ERGIC1: variants seen among roughly 807,000 people sequenced by gnomAD.
The protein encoded by ERGIC1 is endoplasmic reticulum-Golgi intermediate compartment protein 1.
In ERGIC1, 19 loss-of-function variants were observed where a neutral mutation model predicts 38.3. The ratio of observed to expected loss-of-function variants is 0.50; its 90% CI spans 0.35 to 0.73. The LOEUF is 0.73. Ranked by LOEUF, ERGIC1 falls within the 30% of genes least tolerant of loss-of-function variation. The pLI is 0.01. For synonymous variants in ERGIC1, 124 were observed against 157.6 expected (o/e 0.79, Z 1.60); for missense variants, 294 against 389.2 (o/e 0.76, Z 2.06).
chr5:172,878,382 C>T (rs1762198143), intron 1 of ERGIC1, among the ~76,000 whole-genome samples: 1 of 152,144 alleles, frequency 6.6e-6, no homozygotes. Context: ...AAGAATTGTT[C>T]TACTGCCAGA....
intron 2 of ERGIC1, 127 bp downstream of exon 2, chr5:172,888,887 C>G: frequency 1.1e-6 from 1 of 891,794 alleles, no homozygotes; most frequent in Non-Finnish European, 1.9e-6. Flanking sequence ...AAATGCTGAG[C>G]ATCTTGCGGG....
At chr5:172,915,357 T>G in intron 5 of ERGIC1, 1 of 457,290 alleles carries the variant, frequency 2.2e-6, no homozygotes, top group East Asian at 4.6e-5. Context: ...CTGGTGGGGC[T>G]CCCATTCTGG....
chr5:172,860,789 T>A (rs544839458), intron 1 of ERGIC1, among the ~76,000 whole-genome samples: 3 of 151,980 alleles, frequency 2.0e-5, no homozygotes, highest in Non-Finnish European at 4.4e-5. Flanking sequence ...GAGGAAGGAG[T>A]CCAGGGTGTT....
intron 2 of ERGIC1, among the ~76,000 whole-genome samples, chr5:172,894,532 A>G (rs116735675): frequency 0.016 from 2,392 of 152,230 alleles, 60 homozygotes; most frequent in African/African-American, 0.054. Context: ...GAGTAATTCT[A>G]GTATCCCCCA....
chr5:172,844,015 A>G (rs761732463), intron 1 of ERGIC1, among the ~76,000 whole-genome samples: 4 of 152,198 alleles, frequency 2.6e-5, no homozygotes, highest in Non-Finnish European at 4.4e-5. Context: ...CCGAGCCGTG[A>G]TAGATGGCAG....
At chr5:172,836,680 ACAG>A (rs1761045034) in intron 1 of ERGIC1, among the ~76,000 whole-genome samples, 1 of 152,180 alleles carries the variant, frequency 6.6e-6, no homozygotes, top group African/African-American at 2.4e-5. Context: ...GCCCTCTGCC[ACAG>A]GCCCCACCGT....
intron 1 of ERGIC1, among the ~76,000 whole-genome samples, chr5:172,872,677 T>C (rs1762046025): frequency 6.6e-6 from 1 of 152,088 alleles, no homozygotes; most frequent in Non-Finnish European, 1.5e-5. Context: ...TAGCCTGGTG[T>C]GGTGGCACAT....
At chr5:172,915,549 G>C (rs750740215) in intron 5 of ERGIC1, 5 of 470,632 alleles carry the variant, frequency 1.1e-5, no homozygotes, top group Admixed American at 7.0e-5. Flanking sequence ...AGTCAAGTGG[G>C]TGAACGCAGT....
intron 2 of ERGIC1, among the ~76,000 whole-genome samples, chr5:172,894,295 A>T (rs1762666850): frequency 6.9e-6 from 1 of 144,494 alleles, no homozygotes; most frequent in Admixed American, 7.2e-5. Flanking sequence ...TCCTGGGTTC[A>T]AGTGATTCTC....
chr5:172,938,726 C>G (rs1351913503), intron 9 of ERGIC1, among the ~76,000 whole-genome samples: 1 of 145,888 alleles, frequency 6.9e-6, no homozygotes, highest in East Asian at 2.0e-4. Flanking sequence ...GCACTCCAGC[C>G]TGGGTACCAG....
At chr5:172,862,478 C>T (rs186485738) in intron 1 of ERGIC1, among the ~76,000 whole-genome samples, 9 of 152,046 alleles carry the variant, frequency 5.9e-5, no homozygotes, top group Non-Finnish European at 1.2e-4. Flanking sequence ...TGAGCACTCC[C>T]GAGCACAAAG....
At position 172,951,237 on chromosome 5, in the gene ERGIC1, GC is replaced by G; in HGVS notation, c.*423del. The G allele has an allele frequency of 6.5e-6, 1 of 154,856 alleles. No individual in the cohort carries two copies. Among genetic ancestry groups the G allele is most frequent in the Admixed American group, 6.5e-5 (1 of 15,396 alleles). The allele number at this position is 154,856 out of a possible 1,614,324, so 9.6% of individuals were successfully genotyped here. ...AATGATTTGGTTTCTCCCCTGGGCA[GC>G]CAACCTGCCCCAGAGGCACCAGACC... On this transcript the variant is annotated 3_prime_UTR_variant, in exon 10 of 10. Transcript: ENST00000393784.
At chr5:172,875,191 G>T (rs1177215996) in intron 1 of ERGIC1, among the ~76,000 whole-genome samples, 1 of 152,218 alleles carries the variant, frequency 6.6e-6, no homozygotes, top group African/African-American at 2.4e-5. Context: ...TGGACTAGAA[G>T]AGGTTTAAAT....
intron 1 of ERGIC1, among the ~76,000 whole-genome samples, chr5:172,866,565 G>T (rs984256726): frequency 6.6e-6 from 1 of 152,242 alleles, no homozygotes; most frequent in Admixed American, 6.5e-5. Context: ...GCCAGGCGCT[G>T]TGCTAAGCCT....
At chr5:172,901,258 G>A (rs934425307) in intron 3 of ERGIC1, among the ~76,000 whole-genome samples, 2 of 152,182 alleles carry the variant, frequency 1.3e-5, no homozygotes, top group Non-Finnish European at 2.9e-5. Flanking sequence ...TGAGGGGGAG[G>A]CACATTTGTT....
Position 172,846,332 on chromosome 5 carries a change from C to T in ERGIC1, c.20+11899C>T, listed in dbSNP as rs942010368. On this transcript the variant is annotated intron_variant, in intron 1 of 9. Transcript: ENST00000393784. The surrounding 1 kb of genome is among the most constrained non-coding windows in gnomAD (Gnocchi z 4.0). ...CTCTTTCTGCGCTGTCTGTGCAGGA[C>T]GCCCAGCACTGGGCACTTTGAGTCA... Among the ~76,000 whole-genome samples, 2 of 152,160 alleles carry T rather than the reference C, an allele frequency of 1.3e-5. No homozygotes were observed. Among genetic ancestry groups the T allele is most frequent in the Admixed American group, 6.5e-5 (1 of 15,282 alleles).
At position 172,834,580 on chromosome 5, in the gene ERGIC1, G is replaced by GGC. The variant is rs1288912579; in HGVS notation, c.20+147_20+148insGC. On this transcript the variant is annotated intron_variant, in intron 1 of 9. Coordinates refer to ENST00000393784, the MANE Select transcript of ERGIC1 (RefSeq NM_001031711.3). This position sits in a 1 kb window ranked among gnomAD's most constrained non-coding sequence, Gnocchi z 4.1. ...GCAGGCCCCTAGGGACCCCAGGCGA[G>GGC]CCCCCCCCCTGCCGCACACGAAGCC... 1.3e-3 allele frequency: 676 copies of GGC among 535,050 alleles called. 1 individual carries two copies. Among genetic ancestry groups the GGC allele is most frequent in the Middle Eastern group, 3.0e-3 (5 of 1,678 alleles). 33.1% of individuals were successfully genotyped at this position (535,050 alleles called of 1,614,324 possible).
chr5:172,948,026 G>A (rs550271014), intron 9 of ERGIC1, among the ~76,000 whole-genome samples: 57 of 152,180 alleles, frequency 3.7e-4, no homozygotes, highest in Non-Finnish European at 6.9e-4. Context: ...CCACTCTACC[G>A]AAATAAACCA....
At chr5:172,849,218 C>G (rs761690434) in intron 1 of ERGIC1, among the ~76,000 whole-genome samples, 1 of 152,150 alleles carries the variant, frequency 6.6e-6, no homozygotes, top group Non-Finnish European at 1.5e-5. Flanking sequence ...TCAGTTAGAT[C>G]ACCTAACCCT....
Sources: allele counts gnomAD v4.1 joint callset (sites outside exome capture counted in the v4.1 genomes callset), GRCh38; gene constraint gnomAD v4.1.1; non-coding constraint Gnocchi (gnomAD v3.1); transcripts MANE v1.5; gene names NCBI Gene and HGNC (gene_info 2026-07-23, HGNC 2026-07-21).